The following TTL variants were observed in gnomAD, a reference collection of about 807,000 sequenced individuals.
The protein encoded by TTL is tubulin--tyrosine ligase.
In TTL, 10 loss-of-function variants were observed where a neutral mutation model predicts 41.1. The ratio of observed to expected loss-of-function variants is 0.24; its 90% CI spans 0.15 to 0.41. The LOEUF is 0.41. Among genes scored for constraint, TTL ranks in the 10% least tolerant of loss-of-function variants. TTL has a pLI of 1.00. For missense variants in TTL, 367 were observed against 460.4 expected, an observed-to-expected ratio of 0.80 and a Z score of 1.86; for synonymous variants, 175 against 175.5, an observed-to-expected ratio of 1.00 and a Z score of 0.02.
intron 6 of TTL, among the ~76,000 whole-genome samples, chr2:112,523,992 C>T (rs1274212657): frequency 3.3e-5 from 5 of 152,020 alleles, no homozygotes; most frequent in Non-Finnish European, 7.4e-5. Context: ...CCCCATCCTA[C>T]GTCCAAGTGG....
At chr2:112,491,371 A>G (rs145775855) in intron 2 of TTL, among the ~76,000 whole-genome samples, 3 of 152,330 alleles carry the variant, frequency 2.0e-5, no homozygotes, top group East Asian at 1.9e-4. Context: ...CACCCAAAGT[A>G]TTAATTGGAC....
intron 6 of TTL, among the ~76,000 whole-genome samples, chr2:112,524,810 CA>C (rs1392052465): frequency 6.6e-6 from 1 of 152,080 alleles, no homozygotes; most frequent in Non-Finnish European, 1.5e-5. Context: ...TCCCATTTGT[CA>C]ATTTTTGCTT....
chr2:112,486,142 G>A (rs1026748637), intron 2 of TTL, 147 bp downstream of exon 2: 23 of 750,892 alleles, frequency 3.1e-5, no homozygotes, highest in Admixed American at 1.1e-4. Flanking sequence ...CTTTGGTTGC[G>A]GTCCAAAACA....
At chr2:112,484,606 A>G (rs1681190417) in intron 1 of TTL, among the ~76,000 whole-genome samples, 1 of 152,124 alleles carries the variant, frequency 6.6e-6, no homozygotes, top group Non-Finnish European at 1.5e-5. Flanking sequence ...ATCCTACAAC[A>G]AAATTGGTTA....
At chr2:112,490,367 G>A (rs1353181550) in intron 2 of TTL, among the ~76,000 whole-genome samples, 2 of 151,942 alleles carry the variant, frequency 1.3e-5, no homozygotes, top group Non-Finnish European at 2.9e-5. Context: ...GCAGTGAGCC[G>A]AGATTGTGCC....
chr2:112,485,312 T>C (rs1391823941), intron 1 of TTL, among the ~76,000 whole-genome samples: 3 of 151,978 alleles, frequency 2.0e-5, no homozygotes, highest in Non-Finnish European at 4.4e-5. Context: ...TCTAATTCTA[T>C]AAAAAAAAGC....
At chr2:112,497,731 G>A (rs1267902072) in intron 3 of TTL, among the ~76,000 whole-genome samples, 5 of 151,732 alleles carry the variant, frequency 3.3e-5, no homozygotes, top group South Asian at 2.1e-4. Context: ...TGAAAAGGGC[G>A]TTAACGTTTG....
chr2:112,512,210 G>A (rs889751229), intron 5 of TTL, among the ~76,000 whole-genome samples: 4 of 151,816 alleles, frequency 2.6e-5, no homozygotes, highest in Non-Finnish European at 5.9e-5. Flanking sequence ...TCCTGCCTCA[G>A]CCTCCTGAGT....
rs1441611661 is a variant in TTL, at chr2:112,539,709, C to T, written c.*10914C>T. On this transcript the variant is annotated 3_prime_UTR_variant, in exon 7 of 7. Coordinates refer to ENST00000233336, the MANE Select transcript of TTL (RefSeq NM_153712.5). Reference sequence around the variant, plus strand: ...ACAAAAGGAAGGAAAGAAGACTGCGCATTCAGATTGGAAAGGGAGAAGTAT... The same window carrying T: ...ACAAAAGGAAGGAAAGAAGACTGCGTATTCAGATTGGAAAGGGAGAAGTAT... 1 of 152,186 alleles carries T rather than the reference C, an allele frequency of 6.6e-6. No individual in the cohort carries two copies. Among genetic ancestry groups the T allele is most frequent in the Non-Finnish European group, 1.5e-5 (1 of 68,032 alleles). The allele number at this position is 152,186 out of a possible 1,614,324, so 9.4% of individuals were successfully genotyped here. A position where few individuals can be genotyped will look rare whatever the true frequency, so the allele number is the denominator to read the frequency against.
intron 2 of TTL, among the ~76,000 whole-genome samples, chr2:112,492,759 C>T (rs979491921): frequency 2.0e-5 from 3 of 151,144 alleles, no homozygotes; most frequent in Non-Finnish European, 4.4e-5. Context: ...GGTGTGGTCA[C>T]GGGCGTCTGT....
chr2:112,533,636 T>G lies in TTL; in HGVS notation c.*4841T>G, dbSNP rs574159949. The G allele has an allele frequency of 3.9e-5, 6 of 152,348 alleles. No individual in the cohort carries two copies. The South Asian group carries it at 1.0e-3, about 26-fold the overall frequency. 9.4% of individuals were successfully genotyped at this position (152,348 alleles called of 1,614,324 possible). On this transcript the variant is annotated 3_prime_UTR_variant, in exon 7 of 7. Coordinates refer to ENST00000233336, the MANE Select transcript of TTL (RefSeq NM_153712.5). The stretch of plus-strand genomic sequence containing the variant: ...AAGGCATCACATGGCAAGAGAGGAA[T>G]GGAGTCTAACTCACCCTTTAACTAG...
rs1258977163 is a variant in TTL, at chr2:112,501,281, T to G, written c.545T>G (p.Ile182Ser). 6.2e-7 allele frequency: 1 copy of G among 1,613,662 alleles called. No homozygotes were observed. Among genetic ancestry groups the G allele is most frequent in the East Asian group, 2.2e-5 (1 of 44,822 alleles). The change falls in exon 4 of 7, where the codon ATC becomes AGC. Residue 182 changes from isoleucine to serine, a missense_variant. Coordinates refer to ENST00000233336, the MANE Select transcript of TTL (RefSeq NM_153712.5). ...GACAACCAGGGCCAAGTGCACGTGATCCAGAAATATCTTGAGCACCCTCTG... is the reference window on the plus strand; with the variant it reads ...GACAACCAGGGCCAAGTGCACGTGAGCCAGAAATATCTTGAGCACCCTCTG... ...FIDNQGQVHV[I>S]QKYLEHPLLL...
At chr2:112,489,710 T>C (rs149737476) in intron 2 of TTL, among the ~76,000 whole-genome samples, 10 of 152,368 alleles carry the variant, frequency 6.6e-5, no homozygotes, top group African/African-American at 2.2e-4. Flanking sequence ...ATCATTATTA[T>C]CAACTTATGA....
In TTL at chr2:112,503,035, C is replaced by T. The variant is rs750145644; in HGVS notation, c.729C>T (p.His243=). 5 of 1,613,968 alleles carry T rather than the reference C, an allele frequency of 3.1e-6. No homozygotes were observed. Among genetic ancestry groups the T allele is most frequent in the Non-Finnish European group, 4.2e-6 (5 of 1,179,988 alleles). Residue 243 remains histidine (H), a synonymous_variant, in exon 5 of 7, where the codon CAC becomes CAT. Coordinates refer to ENST00000233336, the MANE Select transcript of TTL (RefSeq NM_153712.5). ...FQDKTCHLTN[H]CIQKEYSKNY... is the part of the protein sequence containing the mutation. ...ACAAAACCTGCCATTTGACCAATCA[C>T]TGCATTCAAAAAGAGTATTCAAAGA...
chr2:112,491,462 ATTG>A (rs1681383815), intron 2 of TTL, among the ~76,000 whole-genome samples: 2 of 152,230 alleles, frequency 1.3e-5, no homozygotes, highest in Non-Finnish European at 2.9e-5. Context: ...AATCTTTGAT[ATTG>A]TTAGAAAGGT....
chr2:112,520,365 T>C lies in TTL; in HGVS notation c.959T>C (p.Met320Thr), dbSNP rs375943349. ...TTCCAGCTCTTCGGCTTTGACTTCA[T>C]GGTCGATGAGGAGCTGAAGGTGTGG... ...QSFQLFGFDF[M>T]VDEELKVWLI... The change falls in exon 6 of 7, where the codon ATG (methionine) becomes ACG (threonine). Residue 320 changes from methionine to threonine, a missense_variant. Met to Thr is a moderately conservative substitution (Grantham distance 81). Coordinates refer to ENST00000233336, the MANE Select transcript of TTL (RefSeq NM_153712.5). 1.9e-6 allele frequency: 3 copies of C among 1,614,062 alleles called. No homozygotes were observed. The highest frequency in any genetic ancestry group is 1.3e-5 in the African/African-American group (1 of 74,932).
intron 5 of TTL, among the ~76,000 whole-genome samples, chr2:112,518,678 C>CTT (rs11421229): frequency 0.011 from 1,510 of 140,122 alleles, 16 homozygotes; most frequent in Middle Eastern, 0.026. Flanking sequence ...TTTTTCTTTT[C>CTT]TTTTTTTTTT....
In TTL at chr2:112,530,496, T is replaced by TCAA. The variant is rs1682480571; in HGVS notation, c.*1701_*1702insCAA. On this transcript the variant is annotated 3_prime_UTR_variant, in exon 7 of 7. Coordinates refer to ENST00000233336, the MANE Select transcript of TTL (RefSeq NM_153712.5). ...AATCCTTGAGGCCCAACGCAGCCGA[T>TCAA]GGGTTGGTGTTTGGGAAATTCTGAG... The TCAA allele has an allele frequency of 4.4e-6, 1 of 227,408 alleles. No homozygotes were observed. Among genetic ancestry groups the TCAA allele is most frequent in the Non-Finnish European group, 8.7e-6 (1 of 114,498 alleles). 14.1% of individuals were successfully genotyped at this position (227,408 alleles called of 1,614,324 possible). A position where few individuals can be genotyped will look rare whatever the true frequency, so the allele number is the denominator to read the frequency against.
At chr2:112,518,535 G>A (rs1682132229) in intron 5 of TTL, among the ~76,000 whole-genome samples, 1 of 152,032 alleles carries the variant, frequency 6.6e-6, no homozygotes, top group South Asian at 2.1e-4. Context: ...GTGGAGGGCC[G>A]AGGGCGGAGG....
Sources: gnomAD v4.1 joint callset for allele counts (sites outside exome capture counted in the v4.1 genomes callset) on GRCh38, gnomAD v4.1.1 for gene constraint, MANE v1.5 for transcripts, NCBI Gene and HGNC (gene_info 2026-07-23, HGNC 2026-07-21) for gene names.